IL23R: variants seen among roughly 807,000 people sequenced by gnomAD.
The protein encoded by IL23R is interleukin-23 receptor.
In IL23R, 34 loss-of-function variants were observed where a neutral mutation model predicts 56.9. The ratio of observed to expected loss-of-function variants is 0.60; its 90% CI spans 0.45 to 0.80. IL23R has a LOEUF of 0.80. IL23R is among the 30% of genes least tolerant of loss of function. IL23R has a pLI of 0.00. For synonymous variants in IL23R, 230 were observed against 249.2 expected, an observed-to-expected ratio of 0.92 and a Z score of 0.73; for missense variants, 635 against 730.0, an observed-to-expected ratio of 0.87 and a Z score of 1.50.
upstream of IL23R, among the ~76,000 whole-genome samples, chr1:67,165,089 G>C (rs1484675885): frequency 1.3e-5 from 2 of 151,872 alleles, no homozygotes; most frequent in Non-Finnish European, 2.9e-5. Context: ...TGTGCCTGTG[G>C]TGCTAGCTAC....
chr1:67,189,948 G>A (rs1006812683), intron 4 of IL23R, among the ~76,000 whole-genome samples: 2 of 151,982 alleles, frequency 1.3e-5, no homozygotes, highest in African/African-American at 4.8e-5. Context: ...AAAAAAGAAA[G>A]AAAAGAGCAA....
rs776785412 is a variant in IL23R at position 67,169,464 on chromosome 1, C to A, written c.193C>A (p.His65Asn). ...TAAGAACTGCCAACCAAGGAAACTT[C>A]ATTTTTATAAAAATGGCATCAAAGA... is the stretch of plus-strand genomic sequence containing the variant. ...AIKNCQPRKLHFYKNGIKERF... is the reference protein window; with the variant it reads ...AIKNCQPRKLNFYKNGIKERF... The change falls in exon 3 of 11, where the codon CAT becomes AAT. Residue 65 changes from histidine to asparagine, a missense_variant. Physicochemically the swap from His to Asn is moderately conservative, Grantham distance 68 (BLOSUM62 1). Transcript: ENST00000347310. 1 of 1,613,956 alleles carries A rather than the reference C, an allele frequency of 6.2e-7. No individual in the cohort carries two copies. The highest frequency in any genetic ancestry group is 8.5e-7 in the Non-Finnish European group (1 of 1,179,882).
At chr1:67,216,094 C>T (rs1438816183) in intron 6 of IL23R, among the ~76,000 whole-genome samples, 1 of 152,144 alleles carries the variant, frequency 6.6e-6, no homozygotes, top group Non-Finnish European at 1.5e-5. Context: ...GTCTCCTAGG[C>T]CCCTCAAATT....
At chr1:67,219,121 C>T (rs528965487) in intron 6 of IL23R, among the ~76,000 whole-genome samples, 1 of 152,118 alleles carries the variant, frequency 6.6e-6, no homozygotes, top group Admixed American at 6.5e-5. Context: ...AATCCCAGCA[C>T]TTTGGGAGGC....
At chr1:67,144,270 C>A (rs189154298) in intron 1 of IL23R, among the ~76,000 whole-genome samples, 9 of 152,212 alleles carry the variant, frequency 5.9e-5, no homozygotes, top group Non-Finnish European at 1.2e-4. Flanking sequence ...AATGCCTAAA[C>A]CACTTTCTTA....
intron 1 of IL23R, among the ~76,000 whole-genome samples, chr1:67,160,635 A>G (rs1286361699): frequency 6.6e-6 from 1 of 152,226 alleles, no homozygotes; most frequent in Admixed American, 6.5e-5. Context: ...GATCTGCAAA[A>G]CAGAATGATG....
intron 4 of IL23R, among the ~76,000 whole-genome samples, chr1:67,198,883 T>C (rs938260523): frequency 2.6e-5 from 4 of 152,190 alleles, no homozygotes; most frequent in Non-Finnish European, 4.4e-5. Context: ...AGGTCAAGGT[T>C]GCAGTGAGCC....
intron 5 of IL23R, among the ~76,000 whole-genome samples, chr1:67,204,224 C>G (rs1648848744): frequency 6.6e-6 from 1 of 152,100 alleles, no homozygotes; most frequent in South Asian, 2.1e-4. Context: ...CCACCTCGCC[C>G]CGCTAATTTT....
At chr1:67,142,930 C>T (rs1046936028) in intron 1 of IL23R, among the ~76,000 whole-genome samples, 1 of 152,132 alleles carries the variant, frequency 6.6e-6, no homozygotes, top group East Asian at 1.9e-4. Context: ...CAGAGTATAA[C>T]CTTACTTAAT....
intron 4 of IL23R, among the ~76,000 whole-genome samples, chr1:67,199,618 A>T (rs1367874663): frequency 6.6e-6 from 1 of 152,168 alleles, no homozygotes; most frequent in African/African-American, 2.4e-5. Flanking sequence ...ATGTTCATGT[A>T]TATGCATGTA....
chr1:67,164,656 TAAAATAA>T (rs748745287), upstream of IL23R, among the ~76,000 whole-genome samples: 3 of 151,170 alleles, frequency 2.0e-5, no homozygotes, highest in African/African-American at 4.8e-5. Context: ...TAAAATAAAA[TAAAATAA>T]AATAAAATAA....
intron 1 of IL23R, among the ~76,000 whole-genome samples, chr1:67,150,406 T>A (rs1646717612): frequency 6.6e-6 from 1 of 152,052 alleles, no homozygotes; most frequent in East Asian, 1.9e-4. Context: ...TTTGTCCTAA[T>A]GCTCTCCCTC....
At chr1:67,154,563 A>G (rs924006311) in intron 1 of IL23R, among the ~76,000 whole-genome samples, 1 of 151,994 alleles carries the variant, frequency 6.6e-6, no homozygotes, top group African/African-American at 2.4e-5. Context: ...CTGTTTTATT[A>G]GAAACTAGGA....
At chr1:67,257,990 C>T (rs1163804460) in intron 10 of IL23R, among the ~76,000 whole-genome samples, 1 of 152,096 alleles carries the variant, frequency 6.6e-6, no homozygotes, top group Non-Finnish European at 1.5e-5. Flanking sequence ...GCCTTATCCA[C>T]CTTTAGAACC....
chr1:67,233,246 A>ATCCAAGTAGC (rs761290134), intron 7 of IL23R, among the ~76,000 whole-genome samples: 136 of 151,054 alleles, frequency 9.0e-4, no homozygotes, highest in Non-Finnish European at 1.7e-3. Context: ...TGCTCCTGTA[A>ATCCAAGTAGC]TCCCAGCTAC....
chr1:67,263,079 T>C (rs72929059), downstream of IL23R, among the ~76,000 whole-genome samples: 2,679 of 150,734 alleles, frequency 0.018, 92 homozygotes, highest in African/African-American at 0.062. Flanking sequence ...TGTACGTGTG[T>C]GTGCGTGTGT....
At position 67,209,837 on chromosome 1, in the gene IL23R, C is replaced by T. The variant is rs115198942; in HGVS notation, c.798+2782C>T. Among the ~76,000 whole-genome samples the T allele has an allele frequency of 4.6e-3, 695 of 152,276 alleles. 6 individuals carry two copies. The highest frequency in any genetic ancestry group is 5.5e-3 in the Non-Finnish European group (371 of 68,022). On this transcript the variant is annotated intron_variant, in intron 6 of 10. Coordinates refer to ENST00000347310, the MANE Select transcript of IL23R (RefSeq NM_144701.3). ...GCAAACAGAGAACTGTTTCCTCAAACGATCCACTTGCCTTTTATTAGTTGC... is the reference window on the plus strand; with the variant it reads ...GCAAACAGAGAACTGTTTCCTCAAATGATCCACTTGCCTTTTATTAGTTGC...
chr1:67,201,562 A>C (rs1439823403), intron 5 of IL23R, among the ~76,000 whole-genome samples: 9 of 151,790 alleles, frequency 5.9e-5, no homozygotes, highest in Non-Finnish European at 8.8e-5. Context: ...AAAAAAAAAA[A>C]AAACAAAAAA....
chr1:67,235,936 T>C (rs1403146783), intron 7 of IL23R, among the ~76,000 whole-genome samples: 1 of 152,184 alleles, frequency 6.6e-6, no homozygotes, highest in Non-Finnish European at 1.5e-5. Flanking sequence ...ATCCAAGGCT[T>C]AGAGCCATCT....
Sources: gnomAD v4.1 joint callset for allele counts (sites outside exome capture counted in the v4.1 genomes callset) on GRCh38, gnomAD v4.1.1 for gene constraint, MANE v1.5 for transcripts, NCBI Gene and HGNC (gene_info 2026-07-23, HGNC 2026-07-21) for gene names.